The following GPAT3 variants were observed in gnomAD, a reference collection of about 807,000 sequenced individuals.
GPAT3 encodes the protein 1-AGP acyltransferase 9.
Under a neutral mutation model 58.8 loss-of-function variants are expected in GPAT3, and 53 were observed. That is an observed-to-expected ratio of 0.90 (90% CI 0.72 to 1.13). GPAT3 has a LOEUF of 1.13. Ranked by LOEUF, GPAT3 falls within the 50% of genes most tolerant of loss-of-function variation. The pLI, the probability that GPAT3 is intolerant of heterozygous loss-of-function variation, is 0.00. For missense variants in GPAT3, 511 were observed against 527.6 expected, an observed-to-expected ratio of 0.97 and a Z score of 0.31; for synonymous variants, 197 against 187.4, an observed-to-expected ratio of 1.05 and a Z score of -0.42.
intron 7 of GPAT3, among the ~76,000 whole-genome samples, chr4:83,596,452 C>A (rs1379800923): frequency 6.6e-6 from 1 of 152,060 alleles, no homozygotes; most frequent in Non-Finnish European, 1.5e-5. Flanking sequence ...GAAATGCCAT[C>A]AGTACAAAAA....
intron 2 of GPAT3, among the ~76,000 whole-genome samples, chr4:83,573,789 A>G (rs1416889640): frequency 6.6e-6 from 1 of 152,188 alleles, no homozygotes; most frequent in East Asian, 1.9e-4. Context: ...ATTTTAAAAT[A>G]ATAGCATACA....
rs372068675 is a variant in GPAT3 at position 83,584,763 on chromosome 4, C to T, written c.480-2492C>T. On this transcript the variant is annotated intron_variant, in intron 3 of 11. Transcript: ENST00000264409. ...TGAAGTGATCCGCCTGCCTTGGCTT[C>T]CCAAAGTGCTGGGATTACAGGCGTG... Among the ~76,000 whole-genome samples, 3 of 152,192 alleles carry T rather than the reference C, an allele frequency of 2.0e-5. No homozygotes were observed. The East Asian group carries it at 5.8e-4, about 29-fold the overall frequency.
intron 2 of GPAT3, among the ~76,000 whole-genome samples, chr4:83,568,838 A>G (rs1052856490): frequency 2.0e-4 from 30 of 152,054 alleles, no homozygotes; most frequent in Non-Finnish European, 3.8e-4. Flanking sequence ...ATCCTCTTCA[A>G]TTCCCCCACT....
intron 2 of GPAT3, among the ~76,000 whole-genome samples, chr4:83,575,971 A>G (rs1214536908): frequency 2.0e-5 from 3 of 152,044 alleles, no homozygotes; most frequent in African/African-American, 4.8e-5. Context: ...TGGAACTACT[A>G]CTCTGACTTT....
At chr4:83,589,951 G>A (rs1306874506) in intron 5 of GPAT3, among the ~76,000 whole-genome samples, 1 of 152,062 alleles carries the variant, frequency 6.6e-6, no homozygotes, top group African/African-American at 2.4e-5. Context: ...AATTAGCTGG[G>A]CCTGATGGCA....
At chr4:83,594,572 A>G (rs1330915087) in intron 6 of GPAT3, among the ~76,000 whole-genome samples, 1 of 152,182 alleles carries the variant, frequency 6.6e-6, no homozygotes, top group Non-Finnish European at 1.5e-5. Flanking sequence ...TTTAATTTAC[A>G]TTTCTCTAAT....
At chr4:83,565,745 A>AG (rs1725357398) in intron 2 of GPAT3, among the ~76,000 whole-genome samples, 3 of 152,322 alleles carry the variant, frequency 2.0e-5, no homozygotes, top group African/African-American at 7.2e-5. Flanking sequence ...AAAGAGACAA[A>AG]ATAAGAGTTT....
At chr4:83,577,183 T>A (rs1399795936) in intron 2 of GPAT3, among the ~76,000 whole-genome samples, 1 of 152,176 alleles carries the variant, frequency 6.6e-6, no homozygotes, top group African/African-American at 2.4e-5. Flanking sequence ...TAGCTCATAC[T>A]TTTAAGAAAT....
rs559091207 is a variant in GPAT3, at chr4:83,560,832, G to A, written c.208+16230G>A. Among the ~76,000 whole-genome samples, 23 of 152,096 alleles carry A rather than the reference G, an allele frequency of 1.5e-4. No individual in the cohort carries two copies. The South Asian group carries it at 2.3e-3, about 15-fold the overall frequency. On this transcript the variant is annotated intron_variant, in intron 2 of 11. Transcript: ENST00000264409. ...TTTAAGCGTGTGGTACCTCCCCTCCGTCTCTCTCTCTTGCTCCTGCTCTGG... is the reference window on the plus strand; with the variant it reads ...TTTAAGCGTGTGGTACCTCCCCTCCATCTCTCTCTCTTGCTCCTGCTCTGG...
At chr4:83,557,848 A>G (rs1416410702) in intron 2 of GPAT3, among the ~76,000 whole-genome samples, 8 of 152,320 alleles carry the variant, frequency 5.3e-5, no homozygotes, top group Admixed American at 4.6e-4. Flanking sequence ...TGAATTTGAC[A>G]TAATGTAAAG....
intron 6 of GPAT3, among the ~76,000 whole-genome samples, chr4:83,590,524 G>A (rs901527473): frequency 2.0e-5 from 3 of 152,196 alleles, no homozygotes; most frequent in Non-Finnish European, 4.4e-5. Flanking sequence ...CTGAAATGCA[G>A]ACATTCTTGA....
chr4:83,547,423 T>G (rs1421584740), intron 2 of GPAT3, among the ~76,000 whole-genome samples: 2 of 151,726 alleles, frequency 1.3e-5, no homozygotes, highest in Non-Finnish European at 2.9e-5. Context: ...CAGCTAATTT[T>G]TTGTATTTTT....
At chr4:83,588,503 G>A (rs1386316627) in intron 5 of GPAT3, among the ~76,000 whole-genome samples, 6 of 152,170 alleles carry the variant, frequency 3.9e-5, no homozygotes, top group South Asian at 2.1e-4. Context: ...TAATAAACAC[G>A]TAGTTGTGCT....
intron 2 of GPAT3, among the ~76,000 whole-genome samples, chr4:83,577,787 G>GTTTT (rs1333850658): frequency 3.1e-5 from 3 of 97,660 alleles, no homozygotes; most frequent in Admixed American, 2.1e-4. Flanking sequence ...TGTCATTGTG[G>GTTTT]CTTTTTTTTT....
At chr4:83,571,321 T>G (rs1306510575) in intron 2 of GPAT3, among the ~76,000 whole-genome samples, 2 of 152,144 alleles carry the variant, frequency 1.3e-5, no homozygotes, top group Non-Finnish European at 2.9e-5. Context: ...AAGCAAGTAT[T>G]TGTTGAACTT....
chr4:83,536,863 T>C (rs562628357), intron 1 of GPAT3, 100 bp downstream of exon 1: 4 of 1,116,134 alleles, frequency 3.6e-6, no homozygotes, highest in Middle Eastern at 2.9e-4. Context: ...GGGGTGTGTG[T>C]GCGCGCGTGT....
Position 83,578,972 on chromosome 4 carries a change from C to CTTTCTTTCTTTCTTTCTT in GPAT3, c.209-2574_209-2573insTTTTTCTTTCTTTCTTTC, listed in dbSNP as rs1725942796. Among the ~76,000 whole-genome samples the CTTTCTTTCTTTCTTTCTT allele has an allele frequency of 2.0e-5, 2 of 99,922 alleles. 1 individual carries two copies. The highest frequency in any genetic ancestry group is 3.9e-5 in the Non-Finnish European group (2 of 51,886). The allele number at this position is 99,922 out of a possible 152,430, so 65.6% of individuals were successfully genotyped here. Reference sequence around the variant, plus strand: ...CTTTTCTTTCTTTCTTTCTTTCTTTCTTTCTTTCTTTCTTTCCTTCCTTCC... The same window carrying CTTTCTTTCTTTCTTTCTT: ...CTTTTCTTTCTTTCTTTCTTTCTTTCTTTCTTTCTTTCTTTCTTTTTCTTTCTTTCTTTCCTTCCTTCC... On this transcript the variant is annotated intron_variant, in intron 2 of 11. Transcript: ENST00000264409.
chr4:83,560,229 C>G (rs1725082528), intron 2 of GPAT3, among the ~76,000 whole-genome samples: 1 of 152,114 alleles, frequency 6.6e-6, no homozygotes. Context: ...ACCAGTAGAC[C>G]TTTACATCTC....
intron 2 of GPAT3, among the ~76,000 whole-genome samples, chr4:83,572,003 C>T (rs1725628466): frequency 6.6e-6 from 1 of 152,064 alleles, no homozygotes; most frequent in Non-Finnish European, 1.5e-5. Flanking sequence ...AGACTCCTGA[C>T]CTCAGGTAAT....
Sources: allele counts gnomAD v4.1 joint callset (sites outside exome capture counted in the v4.1 genomes callset), GRCh38; gene constraint gnomAD v4.1.1; transcripts MANE v1.5; gene names NCBI Gene and HGNC (gene_info 2026-07-23, HGNC 2026-07-21).